The following FHIT variants were observed in gnomAD, a reference collection of about 807,000 sequenced individuals.
FHIT encodes the protein fragile histidine triad diadenosine triphosphatase, also known as bis(5'-adenosyl)-triphosphatase.
FHIT carries 19 observed loss-of-function variants against 17.9 expected under a neutral mutation model. That is an observed-to-expected ratio of 1.06 (90% CI 0.74 to 1.56). The LOEUF is 1.56. Among genes scored for constraint, FHIT ranks in the 40% most tolerant of loss-of-function variants. The pLI, the probability that FHIT is intolerant of heterozygous loss-of-function variation, is 0.00. For missense variants in FHIT, 248 were observed against 189.2 expected (o/e 1.31, Z -1.82); for synonymous variants, 81 against 69.7 (o/e 1.16, Z -0.81).
chr3:60,482,734 C>A (rs546694714), intron 5 of FHIT, among the ~76,000 whole-genome samples: 77 of 151,862 alleles, frequency 5.1e-4, no homozygotes, highest in African/African-American at 1.7e-3. Flanking sequence ...CTAGAAAGAT[C>A]TCAAATCAAC....
At chr3:60,987,365 G>A (rs953138072) in intron 3 of FHIT, among the ~76,000 whole-genome samples, 2 of 152,156 alleles carry the variant, frequency 1.3e-5, no homozygotes, top group Non-Finnish European at 2.9e-5. Flanking sequence ...CACCTGGCCT[G>A]CCCAGGGTGG....
At chr3:59,974,376 T>C (rs189583928) in intron 7 of FHIT, among the ~76,000 whole-genome samples, 3 of 152,334 alleles carry the variant, frequency 2.0e-5, no homozygotes, top group African/African-American at 7.2e-5. Flanking sequence ...TCTAAATGTG[T>C]TGGTTAGATG....
chr3:61,035,692 G>A (rs992929172), intron 3 of FHIT, among the ~76,000 whole-genome samples: 11 of 152,192 alleles, frequency 7.2e-5, no homozygotes, highest in Admixed American at 2.0e-4. Context: ...TTATTCCTGA[G>A]GGTTTAAAAT....
At chr3:60,455,495 T>C (rs969451676) in intron 5 of FHIT, among the ~76,000 whole-genome samples, 12 of 152,136 alleles carry the variant, frequency 7.9e-5, no homozygotes, top group African/African-American at 2.4e-4. Context: ...ACCAGTTTAG[T>C]GTGAGGATCA....
At chr3:60,734,054 C>A (rs1553711978) in intron 4 of FHIT, among the ~76,000 whole-genome samples, 1 of 152,144 alleles carries the variant, frequency 6.6e-6, no homozygotes, top group African/African-American at 2.4e-5. Flanking sequence ...AGTATCAAAG[C>A]AACTGTCCCA....
At chr3:60,099,528 T>C (rs750301567) in intron 5 of FHIT, among the ~76,000 whole-genome samples, 2 of 152,162 alleles carry the variant, frequency 1.3e-5, no homozygotes, top group African/African-American at 4.8e-5. Flanking sequence ...ATGCCTCTAA[T>C]GGTCCTTCTA....
At chr3:60,535,908 T>G (rs981503188) in intron 5 of FHIT, 2 of 152,088 alleles carry the variant, frequency 1.3e-5, no homozygotes, top group African/African-American at 4.8e-5. Context: ...AAAAAAAATG[T>G]AGCTTACTCT....
intron 4 of FHIT, among the ~76,000 whole-genome samples, chr3:60,676,351 A>G (rs1178928603): frequency 6.6e-6 from 1 of 152,228 alleles, no homozygotes; most frequent in Non-Finnish European, 1.5e-5. Context: ...AGAGCAAGAA[A>G]ACAAAGGCTG....
At chr3:60,690,591 T>C (rs1553699362) in intron 4 of FHIT, 1 of 538,366 alleles carries the variant, frequency 1.9e-6, no homozygotes, top group African/African-American at 1.9e-5. Context: ...CAAATCCTTT[T>C]TCTCCAGTGC....
intron 5 of FHIT, among the ~76,000 whole-genome samples, chr3:60,156,129 G>A (rs1388856502): frequency 6.6e-6 from 1 of 152,022 alleles, no homozygotes; most frequent in Non-Finnish European, 1.5e-5. Context: ...CCAGGCTGGA[G>A]GATCATGACG....
At chr3:60,425,995 C>T (rs1038850115) in intron 5 of FHIT, among the ~76,000 whole-genome samples, 9 of 152,062 alleles carry the variant, frequency 5.9e-5, no homozygotes, top group Non-Finnish European at 1.0e-4. Context: ...ACAGCAATAA[C>T]AATACAAGGG....
Position 60,469,039 on chromosome 3 carries a change from T to C in FHIT, c.103+67821A>G, listed in dbSNP as rs1215271256. Among the ~76,000 whole-genome samples, 6 of 152,288 alleles carry C rather than the reference T, an allele frequency of 3.9e-5. No individual in the cohort carries two copies. The East Asian group carries it at 9.6e-4, about 24-fold the overall frequency. On this transcript the variant is annotated intron_variant, in intron 5 of 9. Coordinates refer to ENST00000492590, the MANE Select transcript of FHIT (RefSeq NM_002012.4). Reference sequence around the variant, plus strand: ...ATTTCCACTGAAACATCTGCTGCCATACATTTTGGAGATCTTTGTTATTTC... The same window carrying C: ...ATTTCCACTGAAACATCTGCTGCCACACATTTTGGAGATCTTTGTTATTTC...
chr3:60,223,298 G>T (rs1161906799), intron 5 of FHIT, among the ~76,000 whole-genome samples: 1 of 152,092 alleles, frequency 6.6e-6, no homozygotes, highest in African/African-American at 2.4e-5. Flanking sequence ...CAGGTACAGG[G>T]AGCTTAAGTC....
chr3:60,577,848 C>G (rs1303977995), intron 4 of FHIT, among the ~76,000 whole-genome samples: 1 of 152,140 alleles, frequency 6.6e-6, no homozygotes, highest in East Asian at 1.9e-4. Flanking sequence ...AAACTTCAAT[C>G]TTCTGCTTCC....
At chr3:60,554,647 TCTTTTA>T (rs1182633346) in intron 4 of FHIT, among the ~76,000 whole-genome samples, 3 of 152,298 alleles carry the variant, frequency 2.0e-5, no homozygotes, top group South Asian at 4.1e-4. Flanking sequence ...AAACATTGGG[TCTTTTA>T]CTTTAACACT....
At chr3:60,912,601 T>G (rs1327646458) in intron 3 of FHIT, among the ~76,000 whole-genome samples, 1 of 152,098 alleles carries the variant, frequency 6.6e-6, no homozygotes, top group Non-Finnish European at 1.5e-5. Flanking sequence ...AGGATATAGA[T>G]TTATAAAGGT....
intron 2 of FHIT, among the ~76,000 whole-genome samples, chr3:61,053,602 G>A (rs952156089): frequency 6.6e-6 from 1 of 152,002 alleles, no homozygotes; most frequent in Non-Finnish European, 1.5e-5. Flanking sequence ...AGGTTGCAGT[G>A]AGCCTAGATC....
At chr3:61,099,552 T>C (rs1208573534) in intron 2 of FHIT, among the ~76,000 whole-genome samples, 1 of 152,148 alleles carries the variant, frequency 6.6e-6, no homozygotes, top group African/African-American at 2.4e-5. Context: ...CCTGGGCTTT[T>C]TTTGGTTGGT....
In FHIT at chr3:61,054,554, C is replaced by A. The variant is rs74893299; in HGVS notation, c.-163-12455G>T. ...TAACAAGCTTTCGTTTTTGACCAAC[C>A]AATGTTTTTGATTTGTGACTCATGG... On this transcript the variant is annotated intron_variant, in intron 2 of 9. Transcript: ENST00000492590. 1.1e-3 allele frequency among the ~76,000 whole-genome samples: 160 copies of A among 152,186 alleles called. 2 individuals are homozygous for A. The highest frequency in any genetic ancestry group is 3.4e-3 in the African/African-American group (143 of 41,542).
Sources: gnomAD v4.1 joint callset for allele counts (sites outside exome capture counted in the v4.1 genomes callset) on GRCh38, gnomAD v4.1.1 for gene constraint, MANE v1.5 for transcripts, NCBI Gene and HGNC (gene_info 2026-07-23, HGNC 2026-07-21) for gene names.